Variants in DIAPH3 observed in about 807,000 individuals in gnomAD.
The protein encoded by DIAPH3 is diaphanous related formin 3.
In DIAPH3, 117 loss-of-function variants were observed where a neutral mutation model predicts 144.3. The ratio of observed to expected loss-of-function variants is 0.81; its 90% confidence interval spans 0.70 to 0.95. The LOEUF (loss-of-function observed/expected upper bound fraction) is 0.95. Among genes scored for constraint, DIAPH3 ranks in the 40% least tolerant of loss-of-function variants. The pLI is 0.00. For synonymous variants in DIAPH3, 519 were observed against 488.9 expected, an observed-to-expected ratio of 1.06 and a Z score of -0.81; for missense variants, 1,421 against 1,412.7, an observed-to-expected ratio of 1.01 and a Z score of -0.09.
chr13:59,892,566 A>T (rs1475006006), intron 20 of DIAPH3, among the ~76,000 whole-genome samples: 2 of 152,036 alleles, frequency 1.3e-5, no homozygotes, highest in Admixed American at 1.3e-4. Flanking sequence ...GACTCTTTTT[A>T]AAAAATAAAA....
intron 4 of DIAPH3, among the ~76,000 whole-genome samples, chr13:60,076,184 A>G (rs1193185404): frequency 6.6e-6 from 1 of 152,194 alleles, no homozygotes; most frequent in Admixed American, 6.5e-5. Flanking sequence ...GAGTGAACAC[A>G]GTAAGTTTCC....
chr13:60,036,953 T>C (rs2055275306), intron 5 of DIAPH3, among the ~76,000 whole-genome samples: 1 of 152,022 alleles, frequency 6.6e-6, no homozygotes, highest in Admixed American at 6.6e-5. Context: ...CCCATCATAT[T>C]CAAAAAGCCA....
chr13:59,746,482 C>T (rs561153525), intron 27 of DIAPH3, among the ~76,000 whole-genome samples: 4 of 152,014 alleles, frequency 2.6e-5, no homozygotes, highest in African/African-American at 7.2e-5. Context: ...CCTTGGCCTC[C>T]GAAAGTGCTG....
intron 4 of DIAPH3, 70 bp from the exon 5 acceptor site, chr13:60,042,890 A>T: frequency 1.3e-6 from 2 of 1,545,026 alleles, no homozygotes; most frequent in South Asian, 2.3e-5. Context: ...ATAACAAGTT[A>T]ATCTCCCTAA....
chr13:59,949,259 T>C (rs2048973978), intron 17 of DIAPH3, among the ~76,000 whole-genome samples: 1 of 152,196 alleles, frequency 6.6e-6, no homozygotes, highest in South Asian at 2.1e-4. Context: ...GACTCCATTC[T>C]GGTTTGATCT....
intron 25 of DIAPH3, among the ~76,000 whole-genome samples, chr13:59,775,286 A>G (rs1275440290): frequency 1.3e-5 from 2 of 151,966 alleles, no homozygotes; most frequent in Non-Finnish European, 2.9e-5. Context: ...TCTGTCGCCC[A>G]GGCTGGAGTG....
At chr13:59,968,433 A>AT (rs1296754693) in intron 17 of DIAPH3, among the ~76,000 whole-genome samples, 2 of 152,154 alleles carry the variant, frequency 1.3e-5, no homozygotes, top group Non-Finnish European at 2.9e-5. Context: ...ACTGCCATGT[A>AT]TTTTCCTTGA....
chr13:59,710,740 G>A (rs1163790050), intron 27 of DIAPH3, among the ~76,000 whole-genome samples: 5 of 152,206 alleles, frequency 3.3e-5, no homozygotes, highest in African/African-American at 9.6e-5. Context: ...TTCAACAAAT[G>A]TTGGCTATTA....
Position 59,691,293 on chromosome 13 carries a change from G to T in DIAPH3, c.3320-24447C>A, listed in dbSNP as rs762962924. Among the ~76,000 whole-genome samples the T allele has an allele frequency of 2.6e-5, 4 of 152,132 alleles. No homozygotes were observed. The South Asian group carries it at 8.3e-4, about 32-fold the overall frequency. On this transcript the variant is annotated intron_variant, in intron 27 of 27. Transcript: ENST00000400324. ...GACCCTTGCCCTGCATGAGAGAGAAGAATTTCTGCTTACTCATATCATTAG... is the reference window on the plus strand; with the variant it reads ...GACCCTTGCCCTGCATGAGAGAGAATAATTTCTGCTTACTCATATCATTAG...
At chr13:59,887,758 A>AT (rs956506978) in intron 20 of DIAPH3, among the ~76,000 whole-genome samples, 13 of 151,816 alleles carry the variant, frequency 8.6e-5, no homozygotes, top group African/African-American at 2.2e-4. Flanking sequence ...GAATTTACTG[A>AT]TTTTTTTTGT....
chr13:59,871,787 A>G (rs1329817898), intron 21 of DIAPH3, among the ~76,000 whole-genome samples: 3 of 152,184 alleles, frequency 2.0e-5, no homozygotes, highest in African/African-American at 7.2e-5. Flanking sequence ...ATTTTAATAG[A>G]TTCAGATTAT....
chr13:59,964,546 C>T (rs2049947701), intron 17 of DIAPH3, among the ~76,000 whole-genome samples: 2 of 152,040 alleles, frequency 1.3e-5, no homozygotes, highest in Admixed American at 1.3e-4. Context: ...TGTAACTAAG[C>T]ATTTAACCAA....
intron 21 of DIAPH3, among the ~76,000 whole-genome samples, chr13:59,870,912 T>A (rs1223041129): frequency 1.3e-5 from 2 of 151,722 alleles, no homozygotes; most frequent in Non-Finnish European, 2.9e-5. Context: ...TCAGGTGATC[T>A]GCCCGCCTCA....
intron 27 of DIAPH3, among the ~76,000 whole-genome samples, chr13:59,684,074 G>A (rs929647695): frequency 1.3e-5 from 2 of 151,656 alleles, no homozygotes; most frequent in African/African-American, 4.8e-5. Context: ...ACAAGGCCAA[G>A]GAGCCAGCTG....
chr13:59,989,050 G>T (rs776716474), intron 12 of DIAPH3, among the ~76,000 whole-genome samples: 16 of 151,718 alleles, frequency 1.1e-4, no homozygotes, highest in Non-Finnish European at 1.5e-4. Context: ...TTCTGCAATA[G>T]AACAATCTAC....
At chr13:59,745,670 A>C (rs998825276) in intron 27 of DIAPH3, among the ~76,000 whole-genome samples, 11 of 152,190 alleles carry the variant, frequency 7.2e-5, no homozygotes, top group Non-Finnish European at 1.6e-4. Context: ...GAAACAATGT[A>C]TTATACTAGC....
At chr13:59,859,979 A>G (rs1049392368) in intron 22 of DIAPH3, among the ~76,000 whole-genome samples, 1 of 152,200 alleles carries the variant, frequency 6.6e-6, no homozygotes, top group African/African-American at 2.4e-5. Context: ...ATTCATTGGA[A>G]CACTAGGATT....
intron 12 of DIAPH3, 111 bp from the exon 13 acceptor site, chr13:59,983,998 T>C (rs2051207365): frequency 4.2e-6 from 3 of 718,452 alleles, no homozygotes; most frequent in Non-Finnish European, 7.4e-6. Flanking sequence ...ATTAGTAATA[T>C]AATTTCAATA....
At chr13:59,942,484 ATAT>A (rs1318347563) in intron 17 of DIAPH3, among the ~76,000 whole-genome samples, 1 of 152,170 alleles carries the variant, frequency 6.6e-6, no homozygotes, top group Non-Finnish European at 1.5e-5. Flanking sequence ...GCTAATTGCC[ATAT>A]TATTCTAGAT....
Sources: allele counts gnomAD v4.1 joint callset (sites outside exome capture counted in the v4.1 genomes callset), GRCh38; gene constraint gnomAD v4.1.1; transcripts MANE v1.5; gene names NCBI Gene and HGNC (gene_info 2026-07-23, HGNC 2026-07-21).